The following EPB41 variants were observed in gnomAD, a reference collection of about 807,000 sequenced individuals.
The protein encoded by EPB41 is erythrocyte membrane protein band 4.1.
EPB41 carries 65 observed loss-of-function variants against 108.0 expected under a neutral mutation model. That is an observed-to-expected ratio of 0.60 (90% CI 0.49 to 0.74). The LOEUF is 0.74. Ranked by LOEUF, EPB41 falls within the 30% of genes least tolerant of loss-of-function variation. The pLI is 0.00. For synonymous variants in EPB41, 336 were observed against 358.9 expected, an observed-to-expected ratio of 0.94 and a Z score of 0.72; for missense variants, 875 against 1,037.0, an observed-to-expected ratio of 0.84 and a Z score of 2.15.
Position 29,018,643 on chromosome 1 carries a change from G to A in EPB41, c.1124+201G>A, listed in dbSNP as rs2096606831. 6.6e-6 allele frequency among the ~76,000 whole-genome samples: 1 copy of A among 152,026 alleles called. No homozygotes were observed. Among genetic ancestry groups the A allele is most frequent in the Non-Finnish European group, 1.5e-5 (1 of 68,010 alleles). ...CAGAGTAATAGGCATTGCATTGTAG[G>A]GTGAAAACTAAATGAGGTAATATAT... is the stretch of plus-strand genomic sequence containing the variant. On this transcript the variant is annotated intron_variant, in intron 7 of 20. Coordinates refer to ENST00000343067, the MANE Select transcript of EPB41 (RefSeq NM_001376013.1). The surrounding 1 kb of genome is among the most constrained non-coding windows in gnomAD (Gnocchi z 4.4).
intron 4 of EPB41, among the ~76,000 whole-genome samples, chr1:29,008,907 C>G (rs923541249): frequency 1.3e-5 from 2 of 152,190 alleles, no homozygotes; most frequent in Admixed American, 6.6e-5. Context: ...ATTTGTCCTT[C>G]AAGACTCCAT....
chr1:28,892,692 T>C (rs2090251531), intron 1 of EPB41, among the ~76,000 whole-genome samples: 1 of 151,316 alleles, frequency 6.6e-6, no homozygotes. Context: ...AGAGGGAAAC[T>C]CTGTCTCAAA....
At chr1:29,087,843 T>G (rs1255582789) in intron 16 of EPB41, among the ~76,000 whole-genome samples, 1 of 152,118 alleles carries the variant, frequency 6.6e-6, no homozygotes, top group Non-Finnish European at 1.5e-5. Context: ...ACAAAGAAAA[T>G]ACTGAATTAT....
At chr1:29,099,953 A>G (rs1439927637) in intron 17 of EPB41, among the ~76,000 whole-genome samples, 1 of 152,222 alleles carries the variant, frequency 6.6e-6, no homozygotes, top group Non-Finnish European at 1.5e-5. Flanking sequence ...GAGTTAGACA[A>G]TATGGGATTA....
At chr1:28,903,326 CTTTT>C (rs1288999444) in intron 1 of EPB41, among the ~76,000 whole-genome samples, 3 of 137,048 alleles carry the variant, frequency 2.2e-5, no homozygotes, top group Non-Finnish European at 3.1e-5. Context: ...TCTTTTCTTT[CTTTT>C]TTTTTTTTTT....
At chr1:28,908,049 T>C (rs1165068548) in intron 1 of EPB41, among the ~76,000 whole-genome samples, 2 of 152,032 alleles carry the variant, frequency 1.3e-5, no homozygotes, top group African/African-American at 2.4e-5. Context: ...AGAAGTTAAA[T>C]GCAATAATGA....
intron 12 of EPB41, among the ~76,000 whole-genome samples, chr1:29,057,164 C>T (rs1461979796): frequency 6.6e-6 from 1 of 151,780 alleles, no homozygotes; most frequent in African/African-American, 2.4e-5. Flanking sequence ...ATCACAAGGT[C>T]AGGAGATCGA....
chr1:28,901,135 TA>T (rs1274823817), intron 1 of EPB41, among the ~76,000 whole-genome samples: 6 of 152,048 alleles, frequency 3.9e-5, no homozygotes, highest in Admixed American at 3.9e-4. Context: ...TTCACTGTGT[TA>T]GCCAGGATAG....
intron 11 of EPB41, 27 bp from the exon 12 acceptor site, chr1:29,053,077 T>G (rs375461689): frequency 4.3e-6 from 7 of 1,612,064 alleles, no homozygotes; most frequent in Non-Finnish European, 5.9e-6. Flanking sequence ...CCTTTACTTA[T>G]GCTTCCCTTT....
At chr1:28,987,277 G>C (rs1446180194) in intron 1 of EPB41, among the ~76,000 whole-genome samples, 154 bp from the exon 2 acceptor site, 1 of 152,082 alleles carries the variant, frequency 6.6e-6, no homozygotes, top group Non-Finnish European at 1.5e-5. Context: ...AGATATTTTT[G>C]TAATTTAATG....
At chr1:28,909,570 A>G (rs1016246163), upstream of EPB41, among the ~76,000 whole-genome samples, 9 of 152,110 alleles carry the variant, frequency 5.9e-5, no homozygotes, top group Admixed American at 2.0e-4. Context: ...CCAAGGTGGG[A>G]GGACTGCTTG....
chr1:28,961,872 G>T (rs529622225), intron 1 of EPB41, among the ~76,000 whole-genome samples: 6 of 152,174 alleles, frequency 3.9e-5, no homozygotes, highest in Admixed American at 6.5e-5. Flanking sequence ...CTTTTGTGAG[G>T]AGAGCAAACT....
Position 29,030,473 on chromosome 1 carries a change from C to G in EPB41, c.1198C>G (p.Leu400Val). 1 of 1,613,530 alleles carries G rather than the reference C, an allele frequency of 6.2e-7. No individual in the cohort carries two copies. The highest frequency in any genetic ancestry group is 8.5e-7 in the Non-Finnish European group (1 of 1,179,502). Residue 400 changes from leucine (L) to valine (V), a missense_variant, in exon 8 of 21, where the codon CTT becomes GTT. Around this residue, in one of 3 missense-constraint regions of EPB41, gnomAD observed 519 missense variants for 627.3 expected, o/e 0.83. Transcript: ENST00000343067. ...AKKLSMYGVD[L>V]HKAKDLEGVD... Reference sequence around the variant, plus strand: ...AAAGTTGTCTATGTATGGAGTTGATCTTCATAAAGCAAAGGTAATGATAAC... The same window carrying G: ...AAAGTTGTCTATGTATGGAGTTGATGTTCATAAAGCAAAGGTAATGATAAC...
chr1:28,948,275 AG>A (rs2094558103), intron 1 of EPB41, among the ~76,000 whole-genome samples: 1 of 152,134 alleles, frequency 6.6e-6, no homozygotes, highest in African/African-American at 2.4e-5. Flanking sequence ...GCACTTTGGG[AG>A]GCCGAGGCGG....
intron 1 of EPB41, among the ~76,000 whole-genome samples, chr1:28,984,768 C>T (rs2095837126): frequency 1.3e-5 from 2 of 151,270 alleles, no homozygotes; most frequent in Admixed American, 1.3e-4. Context: ...AGTGATTCTT[C>T]TGCCTCAGCT....
At chr1:28,985,588 C>G (rs2095854722) in intron 1 of EPB41, 1 of 152,174 alleles carries the variant, frequency 6.6e-6, no homozygotes, top group African/African-American at 2.4e-5. Context: ...TTCAAATAGG[C>G]AGGAGAAGAG....
chr1:28,984,492 C>T (rs931743848), intron 1 of EPB41, among the ~76,000 whole-genome samples: 2 of 152,118 alleles, frequency 1.3e-5, no homozygotes, highest in African/African-American at 4.8e-5. Flanking sequence ...GTATTTCTAG[C>T]ACGTAGCATC....
intron 1 of EPB41, among the ~76,000 whole-genome samples, chr1:28,901,041 TG>T (rs1484134675): frequency 6.6e-6 from 1 of 151,978 alleles, no homozygotes; most frequent in Non-Finnish European, 1.5e-5. Flanking sequence ...GCCATTCTCC[TG>T]CCTCAGCCTC....
At chr1:28,953,073 A>ATTT (rs5773226) in intron 1 of EPB41, among the ~76,000 whole-genome samples, 3 of 149,232 alleles carry the variant, frequency 2.0e-5, no homozygotes, top group East Asian at 3.9e-4. Flanking sequence ...CTCAAATGGA[A>ATTT]TTTTTTTTTT....
Sources: allele counts gnomAD v4.1 joint callset (sites outside exome capture counted in the v4.1 genomes callset), GRCh38; gene constraint gnomAD v4.1.1; regional missense constraint gnomAD v4.1.1; non-coding constraint Gnocchi (gnomAD v3.1); transcripts MANE v1.5; gene names NCBI Gene and HGNC (gene_info 2026-07-23, HGNC 2026-07-21).